Variants in DIP2B observed in about 807,000 individuals in gnomAD.
The protein encoded by DIP2B is disco-interacting protein 2 homolog B.
Under a neutral mutation model 198.0 loss-of-function variants are expected in DIP2B, and 76 were observed. The observed-to-expected ratio is 0.38, with a 90% CI of 0.32 to 0.46. The LOEUF (loss-of-function observed/expected upper bound fraction) is 0.46. DIP2B is among the 20% of genes least tolerant of loss of function. The pLI is 0.99. For missense variants in DIP2B, 1,559 were observed against 1,978.4 expected (o/e 0.79, Z 4.02); for synonymous variants, 701 against 739.1 (o/e 0.95, Z 0.84).
intron 1 of DIP2B, among the ~76,000 whole-genome samples, chr12:50,517,913 T>C (rs1416126238): frequency 2.0e-5 from 3 of 152,350 alleles, no homozygotes; most frequent in South Asian, 2.1e-4. Flanking sequence ...TTTTCTAAGC[T>C]CTTTTAAGAA....
chr12:50,589,450 G>A (rs1958800491), intron 1 of DIP2B, among the ~76,000 whole-genome samples: 1 of 151,784 alleles, frequency 6.6e-6, no homozygotes, highest in Non-Finnish European at 1.5e-5. Flanking sequence ...AAGTGCTGGG[G>A]TTTCAGATGT....
At chr12:50,581,629 CA>C (rs781673617) in intron 1 of DIP2B, among the ~76,000 whole-genome samples, 2 of 139,074 alleles carry the variant, frequency 1.4e-5, no homozygotes, top group Non-Finnish European at 3.0e-5. Flanking sequence ...ACTTGCTACC[CA>C]CATTCACCAC....
At chr12:50,667,687 T>C (rs1481317817) in intron 4 of DIP2B, among the ~76,000 whole-genome samples, 4 of 152,234 alleles carry the variant, frequency 2.6e-5, no homozygotes, top group African/African-American at 9.6e-5. Flanking sequence ...TATTTTCTTC[T>C]ACCAACTGTT....
At chr12:50,577,812 C>T (rs372781596) in intron 1 of DIP2B, among the ~76,000 whole-genome samples, 3 of 151,736 alleles carry the variant, frequency 2.0e-5, no homozygotes, top group Admixed American at 1.3e-4. Context: ...AAAAAAAAAT[C>T]TGGCCTCATG....
Position 50,737,227 on chromosome 12 carries a change from A to T in DIP2B, c.4176+117A>T, listed in dbSNP as rs569827909. ...CTTTCCCCCGTTGTGAATGGAGTTA[A>T]TTTTTTTCTGTAAGGCATGAGACTG... is the stretch of plus-strand genomic sequence containing the variant. On this transcript the variant is annotated intron_variant, in intron 35 of 37. Coordinates refer to ENST00000301180, the MANE Select transcript of DIP2B (RefSeq NM_173602.3). 2.8e-5 allele frequency: 26 copies of T among 942,074 alleles called. No homozygotes were observed. The African/African-American group carries it at 3.5e-4, about 13-fold the overall frequency. The allele number at this position is 942,074 out of a possible 1,614,324, so 58.4% of individuals were successfully genotyped here.
intron 27 of DIP2B, among the ~76,000 whole-genome samples, chr12:50,724,353 G>C (rs1228131365): frequency 6.6e-6 from 1 of 152,128 alleles, no homozygotes; most frequent in African/African-American, 2.4e-5. Flanking sequence ...CAGTGTATGG[G>C]CTAGGTGTAG....
Position 50,731,747 on chromosome 12 carries a change from A to T in DIP2B, c.3810+210A>T, listed in dbSNP as rs558531759. ...TCTTCCACAGTTTAATATGATTCTT[A>T]CTTTGTGGACAAGAAGCGGAAACTG... is the stretch of plus-strand genomic sequence containing the variant. On this transcript the variant is annotated intron_variant, in intron 31 of 37. Transcript: ENST00000301180. Among the ~76,000 whole-genome samples, 70 of 152,338 alleles carry T rather than the reference A, an allele frequency of 4.6e-4. 1 individual carries two copies. Among genetic ancestry groups the T allele is most frequent in the Admixed American group, 2.9e-3 (45 of 15,300 alleles).
chr12:50,739,950 A>AAT (rs1940211187), intron 36 of DIP2B, among the ~76,000 whole-genome samples: 1 of 152,170 alleles, frequency 6.6e-6, no homozygotes, highest in South Asian at 2.1e-4. Context: ...GAGCAGGAGG[A>AAT]ATGGCCCTAT....
chr12:50,511,401 C>A (rs746638905), intron 1 of DIP2B, among the ~76,000 whole-genome samples: 1 of 144,782 alleles, frequency 6.9e-6, no homozygotes, highest in Non-Finnish European at 1.5e-5. Context: ...AAGCGATTCT[C>A]CTGCCTCAGC....
intron 1 of DIP2B, among the ~76,000 whole-genome samples, chr12:50,568,663 T>G (rs564994350): frequency 2.6e-5 from 4 of 152,346 alleles, no homozygotes; most frequent in African/African-American, 9.6e-5. Flanking sequence ...CTCTTCTATT[T>G]GCCTGCTGTT....
intron 4 of DIP2B, among the ~76,000 whole-genome samples, chr12:50,661,619 A>T (rs985931464): frequency 1.3e-5 from 2 of 152,206 alleles, no homozygotes; most frequent in African/African-American, 4.8e-5. Flanking sequence ...ATAATGGTGC[A>T]TACCTCAAAC....
chr12:50,625,874 A>G (rs574747355), intron 1 of DIP2B, 102 bp from the exon 2 acceptor site: 2 of 1,158,796 alleles, frequency 1.7e-6, no homozygotes, highest in Admixed American at 2.0e-5. Flanking sequence ...CCCTGCCTCT[A>G]TATGGGGTAG....
chr12:50,724,782 A>G lies in DIP2B; in HGVS notation c.3296A>G (p.Lys1099Arg). ...TGTCCATTTGTTTTCTAGGTCAGCA[A>G]AGCAGCCTGTATTCTCACCAGTCAG... ...PTVRMIVDVS[K>R]AACILTSQTL... Residue 1099 changes from lysine (K) to arginine (R), a missense_variant, in exon 28 of 38, where the codon AAA becomes AGA. Transcript: ENST00000301180. 6.2e-7 allele frequency: 1 copy of G among 1,614,078 alleles called. No individual in the cohort carries two copies. Among genetic ancestry groups the G allele is most frequent in the South Asian group, 1.1e-5 (1 of 91,076 alleles).
At chr12:50,627,396 C>T (rs528992139) in intron 2 of DIP2B, among the ~76,000 whole-genome samples, 2 of 152,104 alleles carry the variant, frequency 1.3e-5, no homozygotes, top group African/African-American at 4.8e-5. Flanking sequence ...CGCAGTGGTG[C>T]GATCATGGTT....
chr12:50,619,442 A>G (rs1482081653), intron 1 of DIP2B, among the ~76,000 whole-genome samples: 4 of 152,204 alleles, frequency 2.6e-5, no homozygotes. Flanking sequence ...TGATAAGAGA[A>G]TGAAAAGCCA....
At chr12:50,721,146 T>C (rs189133675) in intron 25 of DIP2B, 127 bp from the exon 26 acceptor site, 1 of 1,380,454 alleles carries the variant, frequency 7.2e-7, no homozygotes, top group African/African-American at 1.5e-5. Context: ...TTCACTAGAA[T>C]TGATAACTTG....
intron 31 of DIP2B, among the ~76,000 whole-genome samples, chr12:50,731,836 T>G: frequency 6.6e-6 from 1 of 152,200 alleles, no homozygotes; most frequent in East Asian, 1.9e-4. Context: ...TCCAATACTT[T>G]TTTTTCCTAA....
chr12:50,579,032 A>T (rs924314248), intron 1 of DIP2B, among the ~76,000 whole-genome samples: 1 of 152,162 alleles, frequency 6.6e-6, no homozygotes, highest in Non-Finnish European at 1.5e-5. Flanking sequence ...AAAGATATTG[A>T]TTTTAGTACA....
chr12:50,619,057 CT>C (rs1176905939), intron 1 of DIP2B, among the ~76,000 whole-genome samples: 1 of 152,176 alleles, frequency 6.6e-6, no homozygotes, highest in Admixed American at 6.5e-5. Context: ...ATCACCACCC[CT>C]GACTGCATAG....
Sources: allele counts gnomAD v4.1 joint callset (sites outside exome capture counted in the v4.1 genomes callset), GRCh38; gene constraint gnomAD v4.1.1; transcripts MANE v1.5; gene names NCBI Gene and HGNC (gene_info 2026-07-23, HGNC 2026-07-21).